Variants in ALG13 observed in about 807,000 individuals in gnomAD.
The protein encoded by ALG13 is ALG13 UDP-N-acetylglucosaminyltransferase subunit, also known as UDP-N-acetylglucosamine transferase subunit ALG13.
A neutral mutation model predicts 87.8 loss-of-function variants in ALG13; 11 were observed. The ratio of observed to expected loss-of-function variants is 0.13; its 90% confidence interval spans 0.08 to 0.21. The LOEUF (loss-of-function observed/expected upper bound fraction) is 0.21, where lower values mean the gene tolerates loss of function less well. ALG13 is among the 10% of genes least tolerant of loss of function. The pLI, the probability that ALG13 is intolerant of heterozygous loss-of-function variation, is 1.00. For missense variants in ALG13, 756 were observed against 866.1 expected (o/e 0.87, Z 1.60); for synonymous variants, 320 against 306.3 (o/e 1.04, Z -0.47).
In ALG13 at chrX:111,691,131, C is replaced by T. The variant is rs192507070; in HGVS notation, c.383+6028C>T. 1.6e-4 allele frequency among the ~76,000 whole-genome samples: 18 copies of T among 111,185 alleles called. No homozygotes were observed. In the East Asian group the frequency reaches 2.5e-3, roughly 16 times the overall value. ...ATTTATTTATTTTGAGACCAAGTCT[C>T]GCTCTGTCACCCAGACTGGAGTGCA... On this transcript the variant is annotated intron_variant, in intron 3 of 26. Transcript: ENST00000394780.
At chrX:111,682,595 G>T (rs1933730894) in intron 2 of ALG13, among the ~76,000 whole-genome samples, 2 of 112,233 alleles carry the variant, frequency 1.8e-5, no homozygotes, top group Admixed American at 9.4e-5. Context: ...TTACTGGAGA[G>T]AACTTAGTAT....
At chrX:111,696,166 T>C (rs1292324849) in intron 3 of ALG13, among the ~76,000 whole-genome samples, 2 of 111,435 alleles carry the variant, frequency 1.8e-5, no homozygotes, top group Non-Finnish European at 3.8e-5. Flanking sequence ...CATTTTTATG[T>C]GGGCCAGTCA....
At chrX:111,681,959 C>T in intron 1 of ALG13, 173 bp from the exon 2 acceptor site, 2 of 853,893 alleles carry the variant, frequency 2.3e-6, no homozygotes, top group Admixed American at 4.4e-5. Flanking sequence ...GGAGGTTCCT[C>T]GTCGGGCCCC....
chrX:111,723,069 C>T lies in ALG13; in HGVS notation c.1500+212C>T, dbSNP rs187211956. Among the ~76,000 whole-genome samples, 19 of 110,988 alleles carry T rather than the reference C, an allele frequency of 1.7e-4. No individual in the cohort carries two copies. In the East Asian group the frequency reaches 3.9e-3, roughly 23 times the overall value. ...TCCTGGGCTCAAGTGATCCTCCTTT[C>T]CTCAGCCTCTCTAGTGGCTGGGACT... On this transcript the variant is annotated intron_variant, in intron 13 of 26. Coordinates refer to ENST00000394780, the MANE Select transcript of ALG13 (RefSeq NM_001099922.3).
At chrX:111,735,786 G>A (rs1346146773) in intron 22 of ALG13, among the ~76,000 whole-genome samples, 4 of 110,969 alleles carry the variant, frequency 3.6e-5, no homozygotes, top group African/African-American at 1.3e-4. Flanking sequence ...GTGGGTAGCA[G>A]CCACACTGCA....
At chrX:111,752,426 T>C (rs12688097) in intron 24 of ALG13, among the ~76,000 whole-genome samples, 8,814 of 110,352 alleles carry the variant, frequency 0.08, 397 homozygotes, top group Middle Eastern at 0.15. Flanking sequence ...CTTTTTTTTT[T>C]CTTTTTTGAG....
chrX:111,750,820 AC>A lies in ALG13; in HGVS notation c.2933-1968del, dbSNP rs746442889. ...GTAGCTGGCATTACAGGCACCCGCCACCATGCCCAGCTAATTTTTTGTATTT... is the reference window on the plus strand; with the variant it reads ...GTAGCTGGCATTACAGGCACCCGCCACATGCCCAGCTAATTTTTTGTATTT... On this transcript the variant is annotated intron_variant, in intron 24 of 26. Coordinates refer to ENST00000394780, the MANE Select transcript of ALG13 (RefSeq NM_001099922.3). Among the ~76,000 whole-genome samples the A allele has an allele frequency of 1.6e-3, 171 of 109,596 alleles. 1 individual carries two copies. Among genetic ancestry groups the A allele is most frequent in the African/African-American group, 5.7e-3 (171 of 30,160 alleles).
chrX:111,744,022 TATA>T (rs1943996745), intron 23 of ALG13, among the ~76,000 whole-genome samples: 1 of 111,974 alleles, frequency 8.9e-6, no homozygotes, highest in Admixed American at 9.5e-5. Flanking sequence ...AATATTTAAA[TATA>T]ATTACATCTG....
intron 19 of ALG13, 43 bp from the exon 20 acceptor site, chrX:111,730,352 A>G: frequency 8.5e-7 from 1 of 1,172,133 alleles, no homozygotes; most frequent in Non-Finnish European, 1.2e-6. Context: ...AGCTAAAAAG[A>G]CCTATATAAA....
rs1222713795 is a variant in ALG13 at position 111,759,905 on chromosome X, GTTC to G, written c.3325_3327del (p.Ser1109del). 2 of 1,210,753 alleles carry G rather than the reference GTTC, an allele frequency of 1.7e-6. No individual in the cohort carries two copies. The highest frequency in any genetic ancestry group is 1.7e-5 in the African/African-American group (1 of 57,597). On this transcript the variant is annotated inframe_deletion, in exon 27 of 27. Coordinates refer to ENST00000394780, the MANE Select transcript of ALG13 (RefSeq NM_001099922.3). Reference sequence around the variant, plus strand: ...CATCCAGTTGGTACAGCATATGGTGGTTCTTCTCAAATTCATGGTGCTATAAAT... The same window carrying G: ...CATCCAGTTGGTACAGCATATGGTGGTTCTCAAATTCATGGTGCTATAAAT...
rs1447914775 is a variant in ALG13, at chrX:111,711,702, C to G, written c.862C>G (p.Leu288Val). ...SYVEGSFEKYLERLGDPKESA... is the reference protein window; with the variant it reads ...SYVEGSFEKYVERLGDPKESA... ...TGTGGAGGGATCTTTTGAGAAATAC[C>G]TGGAACGGTTGGGAGATCCCAAGGT... The change falls in exon 6 of 27, where the codon CTG becomes GTG. Residue 288 changes from leucine (L) to valine (V), a missense_variant. Physicochemically the swap from Leu to Val is conservative, Grantham distance 32 (BLOSUM62 1). This residue lies in a region of ALG13 where 60 missense variants were observed against 54.5 expected (regional missense o/e 1.10). Transcript: ENST00000394780. 3.3e-6 allele frequency: 4 copies of G among 1,207,594 alleles called. No individual in the cohort carries two copies. The highest frequency in any genetic ancestry group is 5.9e-5 in the East Asian group (2 of 33,667).
At chrX:111,695,994 T>C (rs1164961458) in intron 3 of ALG13, among the ~76,000 whole-genome samples, 1 of 111,871 alleles carries the variant, frequency 8.9e-6, no homozygotes, top group African/African-American at 3.2e-5. Flanking sequence ...TTAATTTGCT[T>C]CATGTTATTT....
intron 10 of ALG13, among the ~76,000 whole-genome samples, chrX:111,719,650 G>T (rs1207949734): frequency 8.9e-6 from 1 of 111,871 alleles, no homozygotes; most frequent in Non-Finnish European, 1.9e-5. Flanking sequence ...GCTTTGACTG[G>T]AGAAAAGTCT....
chrX:111,752,672 T>G, intron 24 of ALG13, 118 bp from the exon 25 acceptor site: 1 of 475,308 alleles, frequency 2.1e-6, no homozygotes, highest in Non-Finnish European at 3.6e-6. Context: ...CATCTAGGCC[T>G]CCCAAAGTGC....
In ALG13 at chrX:111,689,772, C is replaced by T. The variant is rs974586564; in HGVS notation, c.383+4669C>T. 11 of 748,742 alleles carry T rather than the reference C, an allele frequency of 1.5e-5. No homozygotes were observed. In the African/African-American group the frequency reaches 2.3e-4, roughly 16 times the overall value. 61.7% of individuals were successfully genotyped at this position (748,742 alleles called of 1,213,427 possible). ...TTCCCAGTCCCCTGCTCTTTCTACC[C>T]TGCATAATATATGTTGTAAGCTTTT... On this transcript the variant is annotated intron_variant, in intron 3 of 26. Transcript: ENST00000394780.
chrX:111,694,063 A>ATATG (rs1936603785), intron 3 of ALG13, among the ~76,000 whole-genome samples: 1 of 104,787 alleles, frequency 9.5e-6, no homozygotes, highest in Non-Finnish European at 1.9e-5. Context: ...TTTTTTTTTG[A>ATATG]GACAAAGTCT....
intron 1 of ALG13, chrX:111,681,696 C>T (rs1933327957): frequency 1.2e-6 from 1 of 848,626 alleles, no homozygotes; most frequent in Non-Finnish European, 1.4e-6. Flanking sequence ...CACGTCGGCG[C>T]CGGCGTCTGA....
chrX:111,681,769 G>T, intron 1 of ALG13: 10 of 829,749 alleles, frequency 1.2e-5, no homozygotes, highest in Non-Finnish European at 1.3e-5. Flanking sequence ...AGCCCGCGCG[G>T]TTCCTCTCCT....
intron 8 of ALG13, among the ~76,000 whole-genome samples, chrX:111,716,151 G>C (rs1940564219): frequency 9.0e-6 from 1 of 110,893 alleles, no homozygotes; most frequent in South Asian, 3.8e-4. Flanking sequence ...AATGTAAATG[G>C]GCCCATATTT....
Sources: allele counts gnomAD v4.1 joint callset (sites outside exome capture counted in the v4.1 genomes callset), GRCh38; gene constraint gnomAD v4.1.1; regional missense constraint gnomAD v4.1.1; transcripts MANE v1.5; gene names NCBI Gene and HGNC (gene_info 2026-07-23, HGNC 2026-07-21).